SERINC5: variants seen among roughly 807,000 people sequenced by gnomAD.
SERINC5 encodes the protein serine incorporator 5, also known as chromosome 5 open reading frame 12.
SERINC5 carries 41 observed loss-of-function variants against 63.1 expected under a neutral mutation model. The observed-to-expected ratio is 0.65, with a 90% CI of 0.51 to 0.84. The LOEUF (loss-of-function observed/expected upper bound fraction) is 0.84, where lower values mean the gene tolerates loss of function less well. Ranked by LOEUF, SERINC5 falls within the 40% of genes least tolerant of loss-of-function variation. The pLI, the probability that SERINC5 is intolerant of heterozygous loss-of-function variation, is 0.00. For missense variants in SERINC5, 523 were observed against 573.0 expected (o/e 0.91, Z 0.89); for synonymous variants, 222 against 215.2 (o/e 1.03, Z -0.28).
Position 80,143,516 on chromosome 5 carries a change from C to A in SERINC5, c.*147G>T. 7.3e-7 allele frequency: 1 copy of A among 1,368,776 alleles called. No homozygotes were observed. Among genetic ancestry groups the A allele is most frequent in the South Asian group, 1.9e-5 (1 of 51,308 alleles). The allele number at this position is 1,368,776 out of a possible 1,614,324, so 84.8% of individuals were successfully genotyped here. Reference sequence around the variant, plus strand: ...CTTTTTGAATTTCAAAAGTAAAAAGCTAATCAGGAGATTTTTTTTTTTCTC... The same window carrying A: ...CTTTTTGAATTTCAAAAGTAAAAAGATAATCAGGAGATTTTTTTTTTTCTC... On this transcript the variant is annotated 3_prime_UTR_variant, in exon 12 of 12. Transcript: ENST00000507668.
At chr5:80,115,258 C>T (rs1744286214) in intron 11 of SERINC5, among the ~76,000 whole-genome samples, 1 of 151,976 alleles carries the variant, frequency 6.6e-6, no homozygotes, top group Admixed American at 6.5e-5. Context: ...AAACTGGGGG[C>T]ACACGGTATA....
intron 2 of SERINC5, among the ~76,000 whole-genome samples, chr5:80,201,102 C>T: frequency 6.6e-6 from 1 of 151,410 alleles, no homozygotes; most frequent in East Asian, 1.9e-4. Context: ...CCATCCACCA[C>T]CCCCCCACAA....
rs114908963 is a variant in SERINC5 at position 80,207,629 on chromosome 5, T to C, written c.28-4576A>G. On this transcript the variant is annotated intron_variant, in intron 1 of 11. Coordinates refer to ENST00000507668, the MANE Select transcript of SERINC5 (RefSeq NM_001174072.3). ...TATGGATCTGATTTTCCAAATTTCATTTTCACTCTTACTCTATACAGTGCT... is the reference window on the plus strand; with the variant it reads ...TATGGATCTGATTTTCCAAATTTCACTTTCACTCTTACTCTATACAGTGCT... Among the ~76,000 whole-genome samples the C allele has an allele frequency of 6.6e-3, 1,012 of 152,342 alleles. 6 individuals carry two copies. Among genetic ancestry groups the C allele is most frequent in the South Asian group, 0.014 (69 of 4,828 alleles).
At chr5:80,197,405 T>C (rs960737218) in intron 2 of SERINC5, among the ~76,000 whole-genome samples, 1 of 134,050 alleles carries the variant, frequency 7.5e-6, no homozygotes, top group Non-Finnish European at 1.6e-5. Context: ...ATGATTCCAT[T>C]TATACGAAAT....
chr5:80,224,945 G>T lies in SERINC5; in HGVS notation c.28-21892C>A, dbSNP rs201965197. 1.7e-3 allele frequency among the ~76,000 whole-genome samples: 219 copies of T among 132,566 alleles called. 1 individual carries two copies. Among genetic ancestry groups the T allele is most frequent in the Middle Eastern group, 4.3e-3 (1 of 230 alleles). The allele number at this position is 132,566 out of a possible 152,430, so 87.0% of individuals were successfully genotyped here. ...AGCGTTTTTTTTTTTGTTTTTTTTT[G>T]TTTTTTTTTTTTTTAGACAAGTTTT... On this transcript the variant is annotated intron_variant, in intron 1 of 11. Transcript: ENST00000507668.
At chr5:80,135,926 A>T (rs1036537398), downstream of SERINC5, among the ~76,000 whole-genome samples, 5 of 152,042 alleles carry the variant, frequency 3.3e-5, no homozygotes, top group African/African-American at 1.2e-4. Flanking sequence ...GTCAGAAAGT[A>T]GGATGACGGT....
chr5:80,211,517 T>TA (rs1346836289), intron 1 of SERINC5, among the ~76,000 whole-genome samples: 1 of 152,238 alleles, frequency 6.6e-6, no homozygotes, highest in Admixed American at 6.5e-5. Context: ...GATCTTGCTC[T>TA]AATCTAACTT....
chr5:80,228,140 G>A (rs1429944949), intron 1 of SERINC5, among the ~76,000 whole-genome samples: 1 of 149,940 alleles, frequency 6.7e-6, no homozygotes, highest in Admixed American at 6.7e-5. Context: ...ACTGAGATGG[G>A]AGGATCACCA....
chr5:80,178,918 T>C (rs1252081982), intron 2 of SERINC5, among the ~76,000 whole-genome samples: 1 of 152,120 alleles, frequency 6.6e-6, no homozygotes, highest in Non-Finnish European at 1.5e-5. Context: ...CATACACTCA[T>C]ATCATACTAT....
intron 2 of SERINC5, among the ~76,000 whole-genome samples, chr5:80,197,849 C>CT (rs1418669117): frequency 2.0e-4 from 31 of 152,024 alleles, no homozygotes; most frequent in African/African-American, 7.5e-4. Context: ...CTAAAATGGA[C>CT]TTTCTTTTTG....
At chr5:80,127,294 G>T (rs1744781941) in intron 11 of SERINC5, among the ~76,000 whole-genome samples, 2 of 152,196 alleles carry the variant, frequency 1.3e-5, no homozygotes, top group Admixed American at 1.3e-4. Context: ...AATGATAACA[G>T]AAGTGATGTG....
At chr5:80,176,016 T>TA (rs962299949) in intron 4 of SERINC5, among the ~76,000 whole-genome samples, 2 of 151,770 alleles carry the variant, frequency 1.3e-5, no homozygotes, top group Non-Finnish European at 2.9e-5. Flanking sequence ...CCGTCTCTAC[T>TA]AAAAATACAA....
Position 80,130,107 on chromosome 5 carries a change from T to C in SERINC5, c.1238+15983A>G, listed in dbSNP as rs190102281. ...TTTATAAGAGCATTTTAGCCGGACT[T>C]GGTGGCTCATGCCTATAATCCCAGC... is the stretch of plus-strand genomic sequence containing the variant. On this transcript the variant is annotated intron_variant, in intron 11 of 12. Coordinates refer to the SERINC5 transcript ENST00000509193. Among the ~76,000 whole-genome samples, 605 of 152,282 alleles carry C rather than the reference T, an allele frequency of 4.0e-3. 4 individuals are homozygous for C. Among genetic ancestry groups the C allele is most frequent in the Non-Finnish European group, 4.2e-3 (289 of 68,018 alleles).
chr5:80,139,347 A>C lies in SERINC5; in HGVS notation c.*4316T>G. 1.0e-6 allele frequency: 1 copy of C among 984,886 alleles called. No individual in the cohort carries two copies. Among genetic ancestry groups the C allele is most frequent in the Non-Finnish European group, 1.2e-6 (1 of 829,462 alleles). The allele number at this position is 984,886 out of a possible 1,614,324, so 61.0% of individuals were successfully genotyped here. On this transcript the variant is annotated 3_prime_UTR_variant, in exon 12 of 12. Transcript: ENST00000507668. ...ATCTGCTGTAAGCTTTCTTTACCTG[A>C]GAGAACTTCCCAGGATCCTTTATCC...
chr5:80,169,232 C>T (rs1747490520), intron 6 of SERINC5, 103 bp downstream of exon 6: 2 of 924,088 alleles, frequency 2.2e-6, no homozygotes, highest in Non-Finnish European at 3.4e-6. Flanking sequence ...TTAAGGAATA[C>T]ACTAGTTCCA....
intron 7 of SERINC5, among the ~76,000 whole-genome samples, chr5:80,164,830 T>C (rs1747162993): frequency 6.6e-6 from 1 of 152,088 alleles, no homozygotes; most frequent in Admixed American, 6.6e-5. Flanking sequence ...TCCCTGTGTA[T>C]GCTGTGGTTT....
At chr5:80,166,183 A>G (rs1747289422) in intron 7 of SERINC5, among the ~76,000 whole-genome samples, 200 bp downstream of exon 7, 1 of 152,168 alleles carries the variant, frequency 6.6e-6, no homozygotes, top group Non-Finnish European at 1.5e-5. Context: ...GTGCTATCAA[A>G]TACTAGGTCT....
chr5:80,137,331 T>C (rs1011008031), downstream of SERINC5, among the ~76,000 whole-genome samples: 3 of 151,486 alleles, frequency 2.0e-5, no homozygotes, highest in African/African-American at 7.3e-5. Context: ...TCAGCCCGAG[T>C]GTCCACAAAT....
At chr5:80,215,004 T>C (rs114403713) in intron 1 of SERINC5, among the ~76,000 whole-genome samples, 1,909 of 152,280 alleles carry the variant, frequency 0.013, 18 homozygotes, top group South Asian at 0.029. Context: ...CTGATGTAAA[T>C]AAACCAATAC....
Sources: gnomAD v4.1 joint callset for allele counts (sites outside exome capture counted in the v4.1 genomes callset) on GRCh38, gnomAD v4.1.1 for gene constraint, MANE v1.5 for transcripts, NCBI Gene and HGNC (gene_info 2026-07-23, HGNC 2026-07-21) for gene names.